RIMBP2: variants seen among roughly 807,000 people sequenced by gnomAD.
The protein encoded by RIMBP2 is RIMS-binding protein 2.
In RIMBP2, 48 loss-of-function variants were observed where a neutral mutation model predicts 118.6. The ratio of observed to expected loss-of-function variants is 0.40; its 90% CI spans 0.32 to 0.51. RIMBP2 has a LOEUF of 0.51. RIMBP2 is among the 20% of genes least tolerant of loss of function. The pLI is 0.41. For synonymous variants in RIMBP2, 762 were observed against 742.9 expected (o/e 1.03, Z -0.42); for missense variants, 1,551 against 1,768.3 (o/e 0.88, Z 2.20).
intron 4 of RIMBP2, among the ~76,000 whole-genome samples, chr12:130,494,518 A>C (rs978992827): frequency 1.3e-5 from 2 of 152,040 alleles, no homozygotes; most frequent in African/African-American, 4.8e-5. Flanking sequence ...AGGCACCTGT[A>C]ATCCCAGCTA....
chr12:130,583,221 T>A (rs561457631), intron 2 of RIMBP2, among the ~76,000 whole-genome samples: 10 of 152,298 alleles, frequency 6.6e-5, no homozygotes, highest in African/African-American at 2.4e-4. Flanking sequence ...TGTGGCATAG[T>A]GCCTCCGCGC....
rs573050109 is a variant in RIMBP2, at chr12:130,687,628, T to C, written c.-352+28594A>G. Among the ~76,000 whole-genome samples, 18 of 152,310 alleles carry C rather than the reference T, an allele frequency of 1.2e-4. No homozygotes were observed. In the East Asian group the frequency reaches 3.3e-3, roughly 28 times the overall value. ...AACAAAGTAGATGAATAAATACAAG[T>C]TGTACTTTCAGAATGGAAAATCATT... On this transcript the variant is annotated intron_variant, in intron 1 of 22. Transcript: ENST00000690449.
intron 1 of RIMBP2, among the ~76,000 whole-genome samples, chr12:130,694,714 G>A (rs2065488588): frequency 6.6e-6 from 1 of 152,202 alleles, no homozygotes; most frequent in Non-Finnish European, 1.5e-5. Flanking sequence ...GTCATTGCTT[G>A]CCACACAGGA....
intron 1 of RIMBP2, among the ~76,000 whole-genome samples, chr12:130,695,609 C>A (rs888319864): frequency 6.6e-6 from 1 of 151,982 alleles, no homozygotes; most frequent in East Asian, 1.9e-4. Context: ...TCATTCCAAG[C>A]GGGCAGGAAA....
chr12:130,666,022 G>A (rs1285292435), intron 1 of RIMBP2, among the ~76,000 whole-genome samples: 1 of 152,186 alleles, frequency 6.6e-6, no homozygotes, highest in African/African-American at 2.4e-5. Context: ...GTAGATAAGA[G>A]AGAAAGACAA....
intron 1 of RIMBP2, among the ~76,000 whole-genome samples, chr12:130,693,378 T>A (rs553467721): frequency 5.9e-5 from 9 of 151,768 alleles, no homozygotes; most frequent in African/African-American, 2.2e-4. Flanking sequence ...TCCCATGCTA[T>A]CCTAACGATG....
rs2061327116 is a variant in RIMBP2, at chr12:130,621,753, T to G, written c.-217+6569A>C. ...GAGACCTGGGTACCATAGCTGGAAG[T>G]GTGACTATTTCCTCGACATTTCCAA... On this transcript the variant is annotated intron_variant, in intron 2 of 22. Transcript: ENST00000690449. The surrounding 1 kb of genome is among the most constrained non-coding windows in gnomAD (Gnocchi z 6.6). Among the ~76,000 whole-genome samples the G allele has an allele frequency of 6.6e-6, 1 of 152,086 alleles. No homozygotes were observed. Among genetic ancestry groups the G allele is most frequent in the Non-Finnish European group, 1.5e-5 (1 of 68,024 alleles).
Position 130,438,237 on chromosome 12 carries a change from G to T in RIMBP2, c.1656+128C>A, listed in dbSNP as rs372195895. The T allele has an allele frequency of 3.8e-6, 4 of 1,048,930 alleles. No individual in the cohort carries two copies. In the African/African-American group the frequency reaches 4.8e-5, roughly 12 times the overall value. 65.0% of individuals were successfully genotyped at this position (1,048,930 alleles called of 1,614,324 possible). On this transcript the variant is annotated intron_variant, in intron 12 of 22. Transcript: ENST00000690449. ...GGTTCACGCTGATGGAGTCTTCGGG[G>T]TTGAGGGTGCCTCCAGTGATCAGGG...
rs953017837 is a variant in RIMBP2, at chr12:130,446,108, A to C, written c.582-839T>G. On this transcript the variant is annotated intron_variant, in intron 9 of 22. Coordinates refer to ENST00000690449, the MANE Select transcript of RIMBP2 (RefSeq NM_001393629.1). This position sits in a 1 kb window ranked among gnomAD's most constrained non-coding sequence, Gnocchi z 4.1. ...ATTAATAATTTTCAAAGCCGTGTCC[A>C]ACTTGGAAAATCAAACACATGAAAC... 6.6e-6 allele frequency among the ~76,000 whole-genome samples: 1 copy of C among 151,218 alleles called. No individual in the cohort carries two copies. The highest frequency in any genetic ancestry group is 1.5e-5 in the Non-Finnish European group (1 of 67,954).
chr12:130,415,825 C>T (rs7296189), intron 17 of RIMBP2, among the ~76,000 whole-genome samples: 48,676 of 151,756 alleles, frequency 0.32, 8,196 homozygotes, highest in African/African-American at 0.44. Flanking sequence ...TGCTAAAAGG[C>T]TCCTAAACCA....
intron 2 of RIMBP2, among the ~76,000 whole-genome samples, chr12:130,519,380 G>A (rs750701852): frequency 3.5e-4 from 54 of 152,322 alleles, no homozygotes; most frequent in South Asian, 8.3e-4. Flanking sequence ...AAAACACAGC[G>A]AAGGAACCCA....
rs2077120696 is a variant in RIMBP2, at chr12:130,431,109, G to A, written c.2254-2772C>T. 6.6e-6 allele frequency among the ~76,000 whole-genome samples: 1 copy of A among 152,208 alleles called. No homozygotes were observed. The highest frequency in any genetic ancestry group is 2.4e-5 in the African/African-American group (1 of 41,454). ...TGAAAATGCTTTTGTAATATTGGGA[G>A]AATGGAGGTGATTTTTTCAGAGCAA... On this transcript the variant is annotated intron_variant, in intron 14 of 22. Coordinates refer to ENST00000690449, the MANE Select transcript of RIMBP2 (RefSeq NM_001393629.1). This position sits in a 1 kb window ranked among gnomAD's most constrained non-coding sequence, Gnocchi z 4.0.
chr12:130,575,485 G>A (rs1446300407), intron 2 of RIMBP2, among the ~76,000 whole-genome samples: 1 of 152,138 alleles, frequency 6.6e-6, no homozygotes. Flanking sequence ...GTCCCCATCA[G>A]TGAACACATC....
chr12:130,560,059 A>T (rs1264037722), intron 2 of RIMBP2, among the ~76,000 whole-genome samples: 2 of 152,198 alleles, frequency 1.3e-5, no homozygotes, highest in South Asian at 4.1e-4. Flanking sequence ...CAGAGCTGCC[A>T]CTCAATCACA....
chr12:130,504,051 G>T lies in RIMBP2; in HGVS notation c.-4+2597C>A, dbSNP rs142434875. Among the ~76,000 whole-genome samples, 419 of 152,304 alleles carry T rather than the reference G, an allele frequency of 2.8e-3. 1 individual carries two copies. The highest frequency in any genetic ancestry group is 9.7e-3 in the African/African-American group (403 of 41,562). ...TGTGTGATCCATGCTGGGAGCAGGG[G>T]GGGGTGTCTAGTCAGTTTCAGTATT... On this transcript the variant is annotated intron_variant, in intron 4 of 22. Coordinates refer to ENST00000690449, the MANE Select transcript of RIMBP2 (RefSeq NM_001393629.1).
intron 4 of RIMBP2, among the ~76,000 whole-genome samples, chr12:130,496,798 T>A (rs930865254): frequency 2.0e-5 from 3 of 152,168 alleles, no homozygotes; most frequent in African/African-American, 7.2e-5. Flanking sequence ...ACACTGGGAC[T>A]GCTGTCCTCT....
At chr12:130,613,108 G>A (rs1437816063) in intron 2 of RIMBP2, among the ~76,000 whole-genome samples, 1 of 152,178 alleles carries the variant, frequency 6.6e-6, no homozygotes, top group Admixed American at 6.5e-5. Flanking sequence ...TTGTCCTCAC[G>A]AGTGTCCTTT....
At chr12:130,449,879 G>T (rs2078850341) in intron 9 of RIMBP2, among the ~76,000 whole-genome samples, 1 of 152,022 alleles carries the variant, frequency 6.6e-6, no homozygotes, top group South Asian at 2.1e-4. Context: ...AGGAAAGAAG[G>T]ACCCCTCCTT....
At chr12:130,612,253 G>A (rs1195302887) in intron 2 of RIMBP2, among the ~76,000 whole-genome samples, 2 of 152,242 alleles carry the variant, frequency 1.3e-5, no homozygotes, top group South Asian at 2.1e-4. Context: ...CACCTTCCAC[G>A]GTGAAAACAG....
Sources: gnomAD v4.1 joint callset for allele counts (sites outside exome capture counted in the v4.1 genomes callset) on GRCh38, gnomAD v4.1.1 for gene constraint, Gnocchi (gnomAD v3.1) non-coding constraint, MANE v1.5 for transcripts, NCBI Gene and HGNC (gene_info 2026-07-23, HGNC 2026-07-21) for gene names.